The following SSBP3 variants were observed in gnomAD, a reference collection of about 807,000 sequenced individuals.
SSBP3 encodes single stranded DNA binding protein 3, also known as single-stranded DNA-binding protein 3.
A neutral mutation model predicts 69.6 loss-of-function variants in SSBP3; 5 were observed. The observed-to-expected ratio is 0.07, with a 90% CI of 0.04 to 0.15. The LOEUF (loss-of-function observed/expected upper bound fraction) is 0.15, where lower values mean the gene tolerates loss of function less well. Ranked by LOEUF, SSBP3 falls within the 10% of genes least tolerant of loss-of-function variation. SSBP3 has a pLI of 1.00. For synonymous variants in SSBP3, 196 were observed against 193.4 expected (o/e 1.01, Z -0.11); for missense variants, 312 against 534.0 (o/e 0.58, Z 4.10).
chr1:54,368,998 T>C (rs1647075554), intron 4 of SSBP3, among the ~76,000 whole-genome samples: 1 of 152,162 alleles, frequency 6.6e-6, no homozygotes, highest in Non-Finnish European at 1.5e-5. Flanking sequence ...GTGAGCAGAA[T>C]TCACAGCACC....
chr1:54,376,993 T>C (rs943982076), intron 4 of SSBP3, among the ~76,000 whole-genome samples: 1 of 152,176 alleles, frequency 6.6e-6, no homozygotes, highest in African/African-American at 2.4e-5. Context: ...ATAAAAAGCA[T>C]TAAATGACAA....
chr1:54,273,797 T>TG (rs1244997081), intron 5 of SSBP3, among the ~76,000 whole-genome samples: 10 of 152,128 alleles, frequency 6.6e-5, no homozygotes, highest in African/African-American at 2.4e-4. Context: ...ACTCCCAGGA[T>TG]AGGGGGCTTC....
intron 14 of SSBP3, among the ~76,000 whole-genome samples, chr1:54,233,951 G>A (rs1400676947): frequency 8.5e-5 from 13 of 152,238 alleles, no homozygotes; most frequent in African/African-American, 2.9e-4. Flanking sequence ...GATGGTTGCC[G>A]TGTCTGTGTA....
At chr1:54,317,645 GA>G (rs959935124) in intron 4 of SSBP3, among the ~76,000 whole-genome samples, 1 of 152,182 alleles carries the variant, frequency 6.6e-6, no homozygotes, top group African/African-American at 2.4e-5. Context: ...AGTCACTCAG[GA>G]TAATAGTAAA....
At chr1:54,305,907 T>C (rs1463803301) in intron 4 of SSBP3, among the ~76,000 whole-genome samples, 1 of 150,444 alleles carries the variant, frequency 6.6e-6, no homozygotes, top group East Asian at 1.9e-4. Flanking sequence ...GTCACTCTTA[T>C]CTGCAAGCTG....
chr1:54,347,587 C>A (rs568863760), intron 4 of SSBP3, among the ~76,000 whole-genome samples: 1 of 152,124 alleles, frequency 6.6e-6, no homozygotes, highest in Non-Finnish European at 1.5e-5. Flanking sequence ...TGTGGAAGGC[C>A]GATTCTACAT....
intron 14 of SSBP3, among the ~76,000 whole-genome samples, chr1:54,231,099 G>C (rs1249880383): frequency 1.3e-5 from 2 of 152,204 alleles, no homozygotes; most frequent in African/African-American, 4.8e-5. Flanking sequence ...TAGGCTGTCT[G>C]ATCTTTCGAG....
chr1:54,290,513 T>C (rs1423348610), intron 4 of SSBP3, among the ~76,000 whole-genome samples: 1 of 152,198 alleles, frequency 6.6e-6, no homozygotes, highest in African/African-American at 2.4e-5. Context: ...GCCTCTCTCT[T>C]CTTAGTGGCC....
At chr1:54,304,704 T>C (rs911966673) in intron 4 of SSBP3, among the ~76,000 whole-genome samples, 6 of 152,236 alleles carry the variant, frequency 3.9e-5, no homozygotes, top group Non-Finnish European at 7.4e-5. Flanking sequence ...CCAGAATGTT[T>C]TGCTAGACAA....
intron 4 of SSBP3, among the ~76,000 whole-genome samples, chr1:54,349,160 A>G (rs1468110746): frequency 6.6e-6 from 1 of 152,226 alleles, no homozygotes; most frequent in Non-Finnish European, 1.5e-5. Context: ...GGGCACATCA[A>G]AAAGAGCCAC....
intron 13 of SSBP3, 57 bp from the exon 14 acceptor site, chr1:54,239,256 C>T: frequency 7.2e-7 from 1 of 1,398,022 alleles, no homozygotes; most frequent in African/African-American, 1.5e-5. Context: ...TTAATTAAAA[C>T]AAACTCATGG....
chr1:54,355,823 A>C (rs1225621754), intron 4 of SSBP3, among the ~76,000 whole-genome samples: 1 of 152,146 alleles, frequency 6.6e-6, no homozygotes, highest in East Asian at 1.9e-4. Context: ...ACATCCCTCT[A>C]TCCACACCTC....
At chr1:54,242,056 C>T in intron 11 of SSBP3, 108 bp downstream of exon 11, 1 of 1,296,474 alleles carries the variant, frequency 7.7e-7, no homozygotes. Flanking sequence ...CAGGAGAGTC[C>T]TGCTGCATCT....
rs142328721 is a variant in SSBP3, at chr1:54,294,313, C to T, written c.277-12786G>A. On this transcript the variant is annotated intron_variant, in intron 4 of 17. Transcript: ENST00000610401. ...CATTTGGCTACATCCTAACAACTCG[C>T]CCCTCCCCTCCAAATAACAACAAAC... 2.2e-3 allele frequency among the ~76,000 whole-genome samples: 336 copies of T among 151,792 alleles called. 2 individuals carry two copies. The highest frequency in any genetic ancestry group is 7.8e-3 in the African/African-American group (323 of 41,404).
chr1:54,236,117 G>A (rs1024520428), intron 14 of SSBP3, among the ~76,000 whole-genome samples: 7 of 138,446 alleles, frequency 5.1e-5, no homozygotes, highest in African/African-American at 1.6e-4. Flanking sequence ...ATGTGTTTAT[G>A]TATTTTTTTT....
intron 4 of SSBP3, among the ~76,000 whole-genome samples, chr1:54,397,059 G>A (rs926321528): frequency 5.3e-5 from 8 of 152,230 alleles, no homozygotes; most frequent in Admixed American, 1.3e-4. Flanking sequence ...AGGGGAATGG[G>A]GGAGAGGGGA....
At chr1:54,290,285 T>TG (rs1645579845) in intron 4 of SSBP3, among the ~76,000 whole-genome samples, 1 of 152,086 alleles carries the variant, frequency 6.6e-6, no homozygotes, top group Admixed American at 6.5e-5. Flanking sequence ...CTACCCTCTG[T>TG]GGGGGGCATA....
chr1:54,401,678 G>A (rs960798324), intron 4 of SSBP3, among the ~76,000 whole-genome samples, 183 bp downstream of exon 4: 7 of 152,210 alleles, frequency 4.6e-5, no homozygotes, highest in Non-Finnish European at 8.8e-5. Flanking sequence ...CGTTCACCAA[G>A]TTAGAACACT....
chr1:54,336,370 C>T (rs1392511894), intron 4 of SSBP3, among the ~76,000 whole-genome samples: 3 of 152,144 alleles, frequency 2.0e-5, no homozygotes, highest in Non-Finnish European at 4.4e-5. Flanking sequence ...GACTGCCTCT[C>T]CTCCTTCCCT....
Sources: gnomAD v4.1 joint callset for allele counts (sites outside exome capture counted in the v4.1 genomes callset) on GRCh38, gnomAD v4.1.1 for gene constraint, MANE v1.5 for transcripts, NCBI Gene and HGNC (gene_info 2026-07-23, HGNC 2026-07-21) for gene names.